The following SHROOM3 variants were observed in gnomAD, a reference collection of about 807,000 sequenced individuals.
The protein encoded by SHROOM3 is shroom family member 3, also known as protein Shroom3.
A neutral mutation model predicts 138.6 loss-of-function variants in SHROOM3; 47 were observed. The observed-to-expected ratio is 0.34, with a 90% CI of 0.27 to 0.43. SHROOM3 has a LOEUF of 0.43. SHROOM3 is among the 20% of genes least tolerant of loss of function. SHROOM3 has a pLI of 1.00. For missense variants in SHROOM3, 2,491 were observed against 2,596.5 expected (o/e 0.96, Z 0.88); for synonymous variants, 1,062 against 1,063.3 (o/e 1.00, Z 0.02).
intron 4 of SHROOM3, among the ~76,000 whole-genome samples, chr4:76,733,444 A>G (rs984916795): frequency 1.3e-5 from 2 of 152,216 alleles, no homozygotes; most frequent in African/African-American, 4.8e-5. Flanking sequence ...TGGGGACAAA[A>G]GGAGAAAGGA....
chr4:76,726,541 TAAAA>T (rs61455146), intron 3 of SHROOM3, among the ~76,000 whole-genome samples: 1 of 90,836 alleles, frequency 1.1e-5, no homozygotes, highest in Non-Finnish European at 2.0e-5. Context: ...CCCCTCCATC[TAAAA>T]AAAAAAAAAA....
chr4:76,477,530 AT>A (rs199900353), intron 1 of SHROOM3, among the ~76,000 whole-genome samples: 1 of 152,064 alleles, frequency 6.6e-6, no homozygotes, highest in Non-Finnish European at 1.5e-5. Context: ...TATTCTCATG[AT>A]TTTTTATCAT....
At chr4:76,540,740 G>A (rs1733080618) in intron 1 of SHROOM3, among the ~76,000 whole-genome samples, 1 of 152,060 alleles carries the variant, frequency 6.6e-6, no homozygotes, top group Admixed American at 6.5e-5. Context: ...TCTTCTTGCT[G>A]GCACTGATTT....
Position 76,740,956 on chromosome 4 carries a change from T to G in SHROOM3, c.2783T>G (p.Ile928Ser), listed in dbSNP as rs1721230295. The G allele has an allele frequency of 6.7e-7, 1 of 1,498,474 alleles. No individual in the cohort carries two copies. The highest frequency in any genetic ancestry group is 8.9e-7 in the Non-Finnish European group (1 of 1,127,486). The allele number at this position is 1,498,474 out of a possible 1,614,324, so 92.8% of individuals were successfully genotyped here. ...APFSRAYRNS[I>S]KDAQSRVLGA... The stretch of plus-strand genomic sequence containing the variant: ...TTCAGCCGCGCCTACCGGAACAGCA[T>G]CAAGGACGCACAGTCCCGTGTCTTG... The change falls in exon 5 of 11, where the codon ATC becomes AGC. Residue 928 changes from isoleucine to serine, a missense_variant. Physicochemically the swap from Ile to Ser is moderately radical, Grantham distance 142 (BLOSUM62 -2). Transcript: ENST00000296043. The surrounding 1 kb of genome is among the most constrained non-coding windows in gnomAD (Gnocchi z 4.0).
At chr4:76,620,078 A>T (rs1734967961) in intron 2 of SHROOM3, among the ~76,000 whole-genome samples, 1 of 150,008 alleles carries the variant, frequency 6.7e-6, no homozygotes, top group African/African-American at 2.5e-5. Context: ...CTCAAAAAAA[A>T]AAAAAAAAAA....
intron 1 of SHROOM3, among the ~76,000 whole-genome samples, chr4:76,504,165 T>A (rs118190325): frequency 6.6e-6 from 1 of 151,226 alleles, no homozygotes. Context: ...TCAAAAAAAT[T>A]TTTTTTTTTT....
chr4:76,688,037 T>A (rs1341421397), intron 2 of SHROOM3, among the ~76,000 whole-genome samples: 3 of 152,188 alleles, frequency 2.0e-5, no homozygotes, highest in African/African-American at 7.2e-5. Flanking sequence ...GGCTGACCAC[T>A]TCTTCAAAGC....
At chr4:76,626,663 A>G (rs7694006) in intron 2 of SHROOM3, among the ~76,000 whole-genome samples, 3 of 152,158 alleles carry the variant, frequency 2.0e-5, no homozygotes, top group Non-Finnish European at 2.9e-5. Flanking sequence ...TCTCAACAAC[A>G]CTGATAGGTG....
At chr4:76,441,243 T>C (rs912379111) in intron 1 of SHROOM3, among the ~76,000 whole-genome samples, 1 of 151,716 alleles carries the variant, frequency 6.6e-6, no homozygotes, top group African/African-American at 2.4e-5. Context: ...TACAGGCGCC[T>C]GCCACACGCC....
chr4:76,723,191 GC>G (rs368550376), intron 3 of SHROOM3, among the ~76,000 whole-genome samples: 1,542 of 152,170 alleles, frequency 0.01, 19 homozygotes, highest in South Asian at 0.017. Flanking sequence ...GTACTACTAA[GC>G]CTTCTGGCTG....
intron 2 of SHROOM3, among the ~76,000 whole-genome samples, chr4:76,692,474 A>G (rs1719584111): frequency 6.6e-6 from 1 of 152,218 alleles, no homozygotes; most frequent in South Asian, 2.1e-4. Context: ...TGTAAAGTTA[A>G]ACATACACCA....
chr4:76,462,500 G>T (rs147308377), intron 1 of SHROOM3, among the ~76,000 whole-genome samples: 1,723 of 152,248 alleles, frequency 0.011, 33 homozygotes, highest in African/African-American at 0.037. Flanking sequence ...GTTTGGATTT[G>T]TGTCCCCACC....
At chr4:76,696,391 G>A (rs1719730470) in intron 2 of SHROOM3, among the ~76,000 whole-genome samples, 1 of 152,200 alleles carries the variant, frequency 6.6e-6, no homozygotes, top group African/African-American at 2.4e-5. Flanking sequence ...GTGAGAGGAG[G>A]CTGCCTCCCC....
chr4:76,529,171 A>G (rs1025328956), intron 1 of SHROOM3, among the ~76,000 whole-genome samples: 1 of 152,120 alleles, frequency 6.6e-6, no homozygotes, highest in Non-Finnish European at 1.5e-5. Context: ...CTTCTGTGCT[A>G]CTAGGATGTT....
At chr4:76,648,506 ATT>A (rs11360201) in intron 2 of SHROOM3, among the ~76,000 whole-genome samples, 8 of 150,054 alleles carry the variant, frequency 5.3e-5, no homozygotes, top group Non-Finnish European at 8.9e-5. Context: ...AAAGACCTGC[ATT>A]TTTTTTTTTA....
At chr4:76,519,753 CG>C (rs1323174934) in intron 1 of SHROOM3, among the ~76,000 whole-genome samples, 1 of 152,156 alleles carries the variant, frequency 6.6e-6, no homozygotes, top group Non-Finnish European at 1.5e-5. Context: ...CCATAAAACA[CG>C]GTGCCTTTTA....
chr4:76,608,301 C>A (rs1039030122), intron 2 of SHROOM3, among the ~76,000 whole-genome samples: 5 of 152,224 alleles, frequency 3.3e-5, no homozygotes, highest in African/African-American at 4.8e-5. Context: ...AAGTGCCCCC[C>A]ACCCTGTCTC....
At chr4:76,509,896 C>G (rs1732295092) in intron 1 of SHROOM3, among the ~76,000 whole-genome samples, 1 of 152,074 alleles carries the variant, frequency 6.6e-6, no homozygotes, top group African/African-American at 2.4e-5. Flanking sequence ...GTCTGAAATT[C>G]TCAGATATGT....
At chr4:76,539,180 CAT>C (rs1231512218) in intron 1 of SHROOM3, among the ~76,000 whole-genome samples, 5 of 152,126 alleles carry the variant, frequency 3.3e-5, no homozygotes, top group Non-Finnish European at 7.4e-5. Flanking sequence ...AATTAAATAA[CAT>C]GTGTGTGTCA....
Sources: gnomAD v4.1 joint callset for allele counts (sites outside exome capture counted in the v4.1 genomes callset) on GRCh38, gnomAD v4.1.1 for gene constraint, Gnocchi (gnomAD v3.1) non-coding constraint, MANE v1.5 for transcripts, NCBI Gene and HGNC (gene_info 2026-07-23, HGNC 2026-07-21) for gene names.